Variants in BRAP observed in about 807,000 individuals in gnomAD.
BRAP encodes BRCA1-associated protein.
Under a neutral mutation model 73.4 loss-of-function variants are expected in BRAP, and 42 were observed. That is an observed-to-expected ratio of 0.57 (90% confidence interval 0.45 to 0.74). BRAP has a LOEUF of 0.74. Ranked by LOEUF, BRAP falls within the 30% of genes least tolerant of loss-of-function variation. The probability of loss-of-function intolerance (pLI) is 0.00; values close to 1 mark genes in which losing one functional copy is unlikely to be tolerated. For missense variants in BRAP, 593 were observed against 751.4 expected, an observed-to-expected ratio of 0.79 and a Z score of 2.46; for synonymous variants, 255 against 267.4, an observed-to-expected ratio of 0.95 and a Z score of 0.45.
At chr12:111,678,589 G>C (rs547931557) in intron 4 of BRAP, among the ~76,000 whole-genome samples, 1 of 151,724 alleles carries the variant, frequency 6.6e-6, no homozygotes, top group African/African-American at 2.4e-5. Flanking sequence ...CCCGGGAGGC[G>C]GAGGTTGCAG....
At chr12:111,667,937 G>A (rs1006127162) in intron 5 of BRAP, among the ~76,000 whole-genome samples, 1 of 151,748 alleles carries the variant, frequency 6.6e-6, no homozygotes, top group South Asian at 2.1e-4. Flanking sequence ...GGGCTGGCAC[G>A]GTGGCTCACA....
At chr12:111,681,485 T>G in intron 3 of BRAP, 152 bp downstream of exon 3, 1 of 590,518 alleles carries the variant, frequency 1.7e-6, no homozygotes, top group Non-Finnish European at 2.7e-6. Context: ...ATGTAAAACA[T>G]CTGAGAATTC....
intron 5 of BRAP, chr12:111,670,185 T>C (rs1289462749): frequency 4.9e-6 from 3 of 612,840 alleles, no homozygotes; most frequent in African/African-American, 3.7e-5. Context: ...GAGATCACTG[T>C]AGGCTTTGTT....
At chr12:111,670,158 A>G (rs1592988361) in intron 5 of BRAP, 1 of 615,446 alleles carries the variant, frequency 1.6e-6, no homozygotes, top group Non-Finnish European at 3.2e-6. Flanking sequence ...CATCCAACTA[A>G]GGCAAATCCA....
At chr12:111,650,483 C>G (rs1249935927) in intron 10 of BRAP, among the ~76,000 whole-genome samples, 1 of 152,178 alleles carries the variant, frequency 6.6e-6, no homozygotes, top group Non-Finnish European at 1.5e-5. Flanking sequence ...CCAGGCTGGT[C>G]TCGAACACCT....
intron 10 of BRAP, among the ~76,000 whole-genome samples, chr12:111,651,193 G>C (rs1478998395): frequency 6.8e-6 from 1 of 147,210 alleles, no homozygotes; most frequent in Non-Finnish European, 1.5e-5. Context: ...TTTCCATACA[G>C]CCTGCCTAGC....
In BRAP at chr12:111,643,953, T is replaced by G. The variant is rs1224025770; in HGVS notation, c.*246A>C. The G allele has an allele frequency of 3.9e-6, 2 of 508,944 alleles. No individual in the cohort carries two copies. The highest frequency in any genetic ancestry group is 6.7e-6 in the Non-Finnish European group (2 of 300,168). The allele number at this position is 508,944 out of a possible 1,614,324, so 31.5% of individuals were successfully genotyped here. A position where few individuals can be genotyped will look rare whatever the true frequency, so the allele number is the denominator to read the frequency against. ...GCTTCTACCAAGCAGGAAGGCAAAATGGTCATTAGAATGTGAGGTTAGTGA... is the reference window on the plus strand; with the variant it reads ...GCTTCTACCAAGCAGGAAGGCAAAAGGGTCATTAGAATGTGAGGTTAGTGA... On this transcript the variant is annotated 3_prime_UTR_variant, in exon 12 of 12. Transcript: ENST00000419234.
At chr12:111,658,693 A>G (rs746527942) in intron 9 of BRAP, 43 bp downstream of exon 9, 3 of 1,329,732 alleles carry the variant, frequency 2.3e-6, no homozygotes, top group Admixed American at 2.0e-5. Context: ...AATAGTAAAG[A>G]GCAGTAGAAA....
chr12:111,655,538 C>A (rs755005578), intron 10 of BRAP, 28 bp downstream of exon 10: 2 of 1,573,388 alleles, frequency 1.3e-6, no homozygotes, highest in Non-Finnish European at 1.7e-6. Flanking sequence ...GTGTCATTTC[C>A]GCAGTCACCC....
chr12:111,683,020 G>A, intron 2 of BRAP, 126 bp downstream of exon 2: 1 of 1,011,110 alleles, frequency 9.9e-7, no homozygotes. Context: ...GTCATATAAA[G>A]CACACACGTA....
intron 7 of BRAP, among the ~76,000 whole-genome samples, chr12:111,660,066 C>T (rs1034045407): frequency 6.6e-4 from 99 of 149,978 alleles, no homozygotes; most frequent in Non-Finnish European, 1.3e-4. Context: ...AGAATGATAC[C>T]CTGTCTCAAA....
chr12:111,675,267 A>T (rs1887337068), intron 4 of BRAP, among the ~76,000 whole-genome samples: 1 of 151,956 alleles, frequency 6.6e-6, no homozygotes, highest in African/African-American at 2.4e-5. Context: ...TCTCCAAAAA[A>T]AATAAAATAA....
intron 2 of BRAP, among the ~76,000 whole-genome samples, chr12:111,682,271 C>A (rs934162892): frequency 9.2e-5 from 14 of 152,006 alleles, no homozygotes; most frequent in Admixed American, 8.5e-4. Flanking sequence ...CCTGTAATCC[C>A]AGCACTTTGG....
intron 3 of BRAP, among the ~76,000 whole-genome samples, 165 bp downstream of exon 3, chr12:111,681,472 C>G (rs927018589): frequency 6.7e-6 from 1 of 150,260 alleles, no homozygotes; most frequent in Non-Finnish European, 1.5e-5. Flanking sequence ...CAAGATTAAT[C>G]AAATGTAAAA....
chr12:111,685,769 G>T lies in BRAP; in HGVS notation c.24C>A (p.Ile8=). The T allele has an allele frequency of 6.2e-7, 1 of 1,604,742 alleles. No homozygotes were observed. The highest frequency in any genetic ancestry group is 8.5e-7 in the Non-Finnish European group (1 of 1,175,270). MSVSLVV[I]RLELAEHSPV... ...GCGAGTGTTCCGCGAGCTCCAATCGGATAACAACCAGTGACACACTCATAG... is the reference window on the plus strand; with the variant it reads ...GCGAGTGTTCCGCGAGCTCCAATCGTATAACAACCAGTGACACACTCATAG... The change falls in exon 1 of 12, where the codon ATC becomes ATA. Residue 8 remains isoleucine (I), a synonymous_variant. Coordinates refer to ENST00000419234, the MANE Select transcript of BRAP (RefSeq NM_006768.5).
At chr12:111,645,299 C>T (rs1262309265) in intron 11 of BRAP, among the ~76,000 whole-genome samples, 1 of 152,122 alleles carries the variant, frequency 6.6e-6, no homozygotes, top group Non-Finnish European at 1.5e-5. Flanking sequence ...GAACTCCTGA[C>T]CTTGTGATCC....
intron 1 of BRAP, 193 bp downstream of exon 1, chr12:111,685,518 A>G: frequency 7.8e-7 from 1 of 1,286,448 alleles, no homozygotes; most frequent in Non-Finnish European, 1.0e-6. Flanking sequence ...GGTTCGGGGC[A>G]GGGCTTCCCT....
intron 5 of BRAP, among the ~76,000 whole-genome samples, chr12:111,666,770 T>C (rs963989057): frequency 1.2e-4 from 18 of 152,246 alleles, no homozygotes; most frequent in Admixed American, 6.5e-4. Context: ...CACACACTTA[T>C]GGACAGAGAA....
chr12:111,685,375 C>A (rs1386589350), intron 1 of BRAP, among the ~76,000 whole-genome samples: 1 of 152,228 alleles, frequency 6.6e-6, no homozygotes, highest in Non-Finnish European at 1.5e-5. Flanking sequence ...GACCGTCCAG[C>A]GTTGCTGGGG....
Sources: gnomAD v4.1 joint callset for allele counts (sites outside exome capture counted in the v4.1 genomes callset) on GRCh38, gnomAD v4.1.1 for gene constraint, MANE v1.5 for transcripts, NCBI Gene and HGNC (gene_info 2026-07-23, HGNC 2026-07-21) for gene names.